The following XKR4 variants were observed in gnomAD, a reference collection of about 807,000 sequenced individuals.
XKR4 encodes the protein XK related 4.
In XKR4, 12 loss-of-function variants were observed where a neutral mutation model predicts 53.9. The observed-to-expected ratio is 0.22, with a 90% CI of 0.14 to 0.36. The LOEUF (loss-of-function observed/expected upper bound fraction) is 0.36. XKR4 is among the 10% of genes least tolerant of loss of function. The probability of loss-of-function intolerance (pLI) is 1.00; values close to 1 mark genes in which losing one functional copy is unlikely to be tolerated. For synonymous variants in XKR4, 354 were observed against 362.4 expected, an observed-to-expected ratio of 0.98 and a Z score of 0.26; for missense variants, 799 against 859.5, an observed-to-expected ratio of 0.93 and a Z score of 0.88.
chr8:55,475,304 A>T (rs983225291), intron 2 of XKR4, among the ~76,000 whole-genome samples: 3 of 152,152 alleles, frequency 2.0e-5, no homozygotes, highest in African/African-American at 7.2e-5. Flanking sequence ...GCCAAATTAC[A>T]CAACATACAG....
intron 1 of XKR4, among the ~76,000 whole-genome samples, chr8:55,274,133 C>G (rs1818732094): frequency 6.6e-6 from 1 of 152,198 alleles, no homozygotes; most frequent in Admixed American, 6.5e-5. Context: ...TTACCAAAAT[C>G]AATAATCCAG....
intron 1 of XKR4, among the ~76,000 whole-genome samples, chr8:55,260,375 A>T (rs1818506473): frequency 6.6e-6 from 1 of 152,154 alleles, no homozygotes; most frequent in Admixed American, 6.5e-5. Context: ...TTTGCCCTAG[A>T]GGTATTGAAT....
At chr8:55,211,917 C>T (rs1431783662) in intron 1 of XKR4, among the ~76,000 whole-genome samples, 3 of 152,116 alleles carry the variant, frequency 2.0e-5, no homozygotes, top group Non-Finnish European at 4.4e-5. Flanking sequence ...TGGTTTTATA[C>T]ATTTTAGGGA....
chr8:55,106,328 C>A (rs979053000), intron 1 of XKR4, among the ~76,000 whole-genome samples: 9 of 152,026 alleles, frequency 5.9e-5, no homozygotes, highest in Non-Finnish European at 1.2e-4. Context: ...CTGCTAAAAG[C>A]AATGATACAT....
chr8:55,497,575 A>T (rs1294166526), intron 2 of XKR4, among the ~76,000 whole-genome samples: 1 of 152,192 alleles, frequency 6.6e-6, no homozygotes, highest in Non-Finnish European at 1.5e-5. Flanking sequence ...TGTGAACTTC[A>T]TTCTTCTAGT....
chr8:55,344,597 C>T (rs1803607892), intron 1 of XKR4, among the ~76,000 whole-genome samples: 1 of 152,200 alleles, frequency 6.6e-6, no homozygotes, highest in African/African-American at 2.4e-5. Flanking sequence ...TTTGAATACA[C>T]ATTTTACTGT....
intron 1 of XKR4, among the ~76,000 whole-genome samples, chr8:55,179,777 G>A (rs918724444): frequency 6.6e-6 from 1 of 152,132 alleles, no homozygotes; most frequent in Admixed American, 6.5e-5. Flanking sequence ...ACTGTGACTG[G>A]CATAATGGAA....
intron 2 of XKR4, among the ~76,000 whole-genome samples, chr8:55,458,923 T>C (rs1384301678): frequency 6.6e-6 from 1 of 152,232 alleles, no homozygotes; most frequent in African/African-American, 2.4e-5. Flanking sequence ...ATTCTCACTT[T>C]GGGTCACAGG....
chr8:55,396,037 G>C (rs922402142), intron 2 of XKR4, among the ~76,000 whole-genome samples: 4 of 152,232 alleles, frequency 2.6e-5, no homozygotes, highest in Non-Finnish European at 1.5e-5. Flanking sequence ...CTTTTTATAA[G>C]GAGAGTCATC....
intron 1 of XKR4, among the ~76,000 whole-genome samples, chr8:55,245,105 C>T (rs1743174980): frequency 6.6e-6 from 1 of 151,850 alleles, no homozygotes. Flanking sequence ...ATATTTTTCA[C>T]CATGTTGGCA....
chr8:55,219,635 C>T (rs1238583440), intron 1 of XKR4, among the ~76,000 whole-genome samples: 5 of 152,144 alleles, frequency 3.3e-5, no homozygotes, highest in Non-Finnish European at 1.5e-5. Context: ...TCTTGCAAAC[C>T]AACAACCTCT....
intron 1 of XKR4, among the ~76,000 whole-genome samples, chr8:55,355,124 G>T (rs1803779671): frequency 6.6e-6 from 1 of 151,854 alleles, no homozygotes; most frequent in Non-Finnish European, 1.5e-5. Context: ...GGCTGGTCTT[G>T]AACTCCTGAC....
chr8:55,386,594 T>A (rs1804319491), intron 2 of XKR4, among the ~76,000 whole-genome samples: 1 of 152,176 alleles, frequency 6.6e-6, no homozygotes, highest in Non-Finnish European at 1.5e-5. Context: ...AAATGGAGAT[T>A]GGGAAGGTAT....
At chr8:55,453,580 C>T (rs1202387158) in intron 2 of XKR4, 2 of 391,894 alleles carry the variant, frequency 5.1e-6, no homozygotes, top group Middle Eastern at 6.4e-4. Context: ...TGGTCCTCCT[C>T]CCAGCCTTCA....
intron 2 of XKR4, among the ~76,000 whole-genome samples, chr8:55,495,056 C>A (rs539826335): frequency 4.6e-5 from 7 of 152,180 alleles, no homozygotes; most frequent in Admixed American, 1.3e-4. Flanking sequence ...ACCTGCTTGG[C>A]CTCCCTCCCA....
At chr8:55,247,855 C>CTTTCTTTCTTTCTTTCTTTCTT (rs369983175) in intron 1 of XKR4, among the ~76,000 whole-genome samples, 677 of 59,880 alleles carry the variant, frequency 0.011, 22 homozygotes, top group Middle Eastern at 0.036. Flanking sequence ...TTCTTTCTTT[C>CTTTCTTTCTTTCTTTCTTTCTT]TTTTTTTTTT....
At chr8:55,434,410 C>CGTGTGTGTGTGTGTGT (rs10598891) in intron 2 of XKR4, among the ~76,000 whole-genome samples, 2 of 148,250 alleles carry the variant, frequency 1.3e-5, no homozygotes, top group African/African-American at 5.0e-5. Flanking sequence ...TGATACCAAT[C>CGTGTGTGTGTGTGTGT]GTGTGTGTGT....
chr8:55,481,477 T>G (rs1448605370), intron 2 of XKR4, among the ~76,000 whole-genome samples: 2 of 152,104 alleles, frequency 1.3e-5, no homozygotes, highest in African/African-American at 4.8e-5. Context: ...ATTCAGGACA[T>G]AGGCATGGGC....
intron 2 of XKR4, among the ~76,000 whole-genome samples, chr8:55,399,499 T>G (rs1467202758): frequency 2.6e-5 from 4 of 152,338 alleles, no homozygotes; most frequent in Admixed American, 6.5e-5. Flanking sequence ...TTATTAAACC[T>G]TTCTTGCTGT....
Sources: allele counts gnomAD v4.1 joint callset (sites outside exome capture counted in the v4.1 genomes callset), GRCh38; gene constraint gnomAD v4.1.1; transcripts MANE v1.5; gene names NCBI Gene and HGNC (gene_info 2026-07-23, HGNC 2026-07-21).